Variants in PLD5 observed in about 807,000 individuals in gnomAD.
PLD5 encodes the protein phospholipase D family member 5, also known as inactive phospholipase D5.
PLD5 carries 36 observed loss-of-function variants against 61.1 expected under a neutral mutation model. That is an observed-to-expected ratio of 0.59 (90% CI 0.45 to 0.78). The LOEUF (loss-of-function observed/expected upper bound fraction) is 0.78, where lower values mean the gene tolerates loss of function less well. Among genes scored for constraint, PLD5 ranks in the 30% least tolerant of loss-of-function variants. PLD5 has a pLI of 0.00. For missense variants in PLD5, 515 were observed against 644.4 expected, an observed-to-expected ratio of 0.80 and a Z score of 2.17; for synonymous variants, 243 against 242.8, an observed-to-expected ratio of 1.00 and a Z score of -0.01.
chr1:242,152,408 A>G (rs1398317897), intron 5 of PLD5, among the ~76,000 whole-genome samples: 1 of 152,132 alleles, frequency 6.6e-6, no homozygotes, highest in African/African-American at 2.4e-5. Context: ...CAGAATGTGC[A>G]GTATTGTTAC....
At chr1:242,337,537 C>T (rs1320256926) in intron 2 of PLD5, among the ~76,000 whole-genome samples, 3 of 152,162 alleles carry the variant, frequency 2.0e-5, no homozygotes, top group African/African-American at 4.8e-5. Context: ...AGGCTGAGGC[C>T]GAAGAATTGC....
At chr1:242,216,979 A>T (rs1343709737) in intron 5 of PLD5, among the ~76,000 whole-genome samples, 1 of 152,218 alleles carries the variant, frequency 6.6e-6, no homozygotes, top group African/African-American at 2.4e-5. Context: ...CTATAAATGG[A>T]ACAAAGCTGG....
chr1:242,246,120 T>C lies in PLD5; in HGVS notation c.607+19217A>G, dbSNP rs1672338193. Among the ~76,000 whole-genome samples the C allele has an allele frequency of 2.0e-5, 3 of 152,084 alleles. No homozygotes were observed. In the South Asian group the frequency reaches 6.2e-4, roughly 32 times the overall value. ...ATAACTCACAGAAATGTAATTCCAG[T>C]GCTTTGGGAGACTGAGTCAGGAGGA... On this transcript the variant is annotated intron_variant, in intron 4 of 9. Coordinates refer to ENST00000536534, the MANE Select transcript of PLD5 (RefSeq NM_001372062.1).
intron 3 of PLD5, among the ~76,000 whole-genome samples, chr1:242,274,208 G>C (rs974349215): frequency 6.6e-6 from 1 of 152,200 alleles, no homozygotes; most frequent in Non-Finnish European, 1.5e-5. Flanking sequence ...ATAAATATTT[G>C]CTACACAAAT....
At chr1:242,348,055 T>C in intron 2 of PLD5, 51 bp downstream of exon 2, 6 of 1,596,386 alleles carry the variant, frequency 3.8e-6, no homozygotes, top group Non-Finnish European at 5.1e-6. Context: ...AGGCCCTCTT[T>C]GGATTTCTTG....
intron 1 of PLD5, among the ~76,000 whole-genome samples, chr1:242,403,953 A>C (rs1664084435): frequency 6.6e-6 from 1 of 152,210 alleles, no homozygotes; most frequent in Admixed American, 6.5e-5. Flanking sequence ...CCAGAGGTGG[A>C]ATCTAGCATC....
At chr1:242,461,706 C>G (rs531392033) in intron 1 of PLD5, among the ~76,000 whole-genome samples, 1 of 152,160 alleles carries the variant, frequency 6.6e-6, no homozygotes, top group Non-Finnish European at 1.5e-5. Context: ...ATATTCCAAC[C>G]AACAGTGTAT....
intron 4 of PLD5, among the ~76,000 whole-genome samples, chr1:242,234,102 AAT>A (rs1290298334): frequency 6.6e-6 from 1 of 152,216 alleles, no homozygotes; most frequent in Admixed American, 6.5e-5. Context: ...TTTGAGAACC[AAT>A]AGTTTCAATA....
intron 1 of PLD5, among the ~76,000 whole-genome samples, chr1:242,490,002 G>A (rs1056321614): frequency 1.3e-4 from 20 of 152,196 alleles, no homozygotes; most frequent in African/African-American, 4.3e-4. Flanking sequence ...ATTCACATCA[G>A]GCATTAGAGG....
chr1:242,471,563 GTTTTA>G (rs765854187), intron 1 of PLD5, among the ~76,000 whole-genome samples: 9 of 151,904 alleles, frequency 5.9e-5, no homozygotes, highest in Non-Finnish European at 1.2e-4. Flanking sequence ...AGATATCCAT[GTTTTA>G]TTTTATTTTC....
At chr1:242,404,551 GATC>G (rs1267137616) in intron 1 of PLD5, among the ~76,000 whole-genome samples, 1 of 152,086 alleles carries the variant, frequency 6.6e-6, no homozygotes, top group Non-Finnish European at 1.5e-5. Context: ...TGGCATTTCT[GATC>G]ATCCTCATCA....
intron 2 of PLD5, among the ~76,000 whole-genome samples, chr1:242,292,144 AT>A (rs1675403749): frequency 6.6e-6 from 1 of 152,216 alleles, no homozygotes; most frequent in Non-Finnish European, 1.5e-5. Flanking sequence ...TTCTATCCAC[AT>A]TTAAAGCCCA....
At chr1:242,274,432 C>G (rs772442530) in intron 3 of PLD5, among the ~76,000 whole-genome samples, 1 of 152,130 alleles carries the variant, frequency 6.6e-6, no homozygotes, top group Non-Finnish European at 1.5e-5. Context: ...AAAATGCAGG[C>G]AAAGTATGAG....
At chr1:242,490,827 T>G (rs1013648611) in intron 1 of PLD5, among the ~76,000 whole-genome samples, 2 of 151,946 alleles carry the variant, frequency 1.3e-5, no homozygotes, top group East Asian at 3.9e-4. Flanking sequence ...TTGGCAACAG[T>G]AGACCCTGGG....
At chr1:242,189,445 C>CAAAAAAAAAAAAAAAAA in intron 5 of PLD5, among the ~76,000 whole-genome samples, 1 of 70,438 alleles carries the variant, frequency 1.4e-5, no homozygotes, top group Non-Finnish European at 2.8e-5. Flanking sequence ...GACTCCATCT[C>CAAAAAAAAAAAAAAAAA]AAAAAAAAAA....
intron 5 of PLD5, chr1:242,192,272 G>A (rs1055085676): frequency 6.6e-6 from 1 of 152,290 alleles, no homozygotes. Flanking sequence ...CAAGCATGCA[G>A]TTTCAGTAGG....
chr1:242,293,490 T>G (rs1574679762), intron 2 of PLD5, among the ~76,000 whole-genome samples: 3 of 152,318 alleles, frequency 2.0e-5, no homozygotes, highest in African/African-American at 7.2e-5. Flanking sequence ...AGTTTCTTAC[T>G]GTACCTATTT....
intron 3 of PLD5, among the ~76,000 whole-genome samples, chr1:242,276,985 C>T (rs909572307): frequency 7.9e-5 from 12 of 152,128 alleles, no homozygotes; most frequent in African/African-American, 2.2e-4. Flanking sequence ...ATGCCAATCA[C>T]GGGCCAGGAA....
intron 1 of PLD5, among the ~76,000 whole-genome samples, chr1:242,394,092 G>GAGTA (rs200671187): frequency 0.023 from 1,830 of 79,892 alleles, 115 homozygotes; most frequent in Middle Eastern, 0.045. Context: ...GTATATATAT[G>GAGTA]TATATATGTG....
Sources: gnomAD v4.1 joint callset for allele counts (sites outside exome capture counted in the v4.1 genomes callset) on GRCh38, gnomAD v4.1.1 for gene constraint, MANE v1.5 for transcripts, NCBI Gene and HGNC (gene_info 2026-07-23, HGNC 2026-07-21) for gene names.